The following PCDHA1 variants were observed in gnomAD, a reference collection of about 807,000 sequenced individuals.
The protein encoded by PCDHA1 is protocadherin alpha-1.
Under a neutral mutation model 61.3 loss-of-function variants are expected in PCDHA1, and 42 were observed. The ratio of observed to expected loss-of-function variants is 0.69; its 90% confidence interval spans 0.54 to 0.89. The LOEUF (loss-of-function observed/expected upper bound fraction) is 0.89. PCDHA1 is among the 40% of genes least tolerant of loss of function. The pLI is 0.00. For missense variants in PCDHA1, 1,256 were observed against 1,235.3 expected (o/e 1.02, Z -0.25); for synonymous variants, 610 against 553.8 (o/e 1.10, Z -1.43).
intron 1 of PCDHA1, chr5:140,858,619 C>T: frequency 8.6e-7 from 1 of 1,161,702 alleles, no homozygotes; most frequent in Non-Finnish European, 1.2e-6. Context: ...TTTATCCTAC[C>T]CAGTGTGTCA....
intron 1 of PCDHA1, among the ~76,000 whole-genome samples, chr5:140,935,795 C>T (rs1366379710): frequency 2.0e-5 from 3 of 151,764 alleles, no homozygotes; most frequent in Admixed American, 6.6e-5. Flanking sequence ...AAAATATAAA[C>T]GAGATTATTT....
intron 3 of PCDHA1, among the ~76,000 whole-genome samples, chr5:141,009,296 T>A (rs889577032): frequency 3.3e-4 from 50 of 152,004 alleles, no homozygotes; most frequent in Non-Finnish European, 5.3e-4. Context: ...TTCTATAAAA[T>A]TTTTTTTAAA....
rs782169362 is a variant in PCDHA1, at chr5:140,979,015, T to G, written c.2453+8T>G. Reference sequence around the variant, plus strand: ...GAGAGCAGGCATGCACAGGTATGTATTTCCCTCCTCATTCACTCAGAAGTA... The same window carrying G: ...GAGAGCAGGCATGCACAGGTATGTAGTTCCCTCCTCATTCACTCAGAAGTA... On this transcript the variant is annotated splice_region_variant and intron_variant, in intron 2 of 3. Transcript: ENST00000504120. 3 of 1,613,920 alleles carry G rather than the reference T, an allele frequency of 1.9e-6. No individual in the cohort carries two copies. The highest frequency in any genetic ancestry group is 2.5e-6 in the Non-Finnish European group (3 of 1,179,908).
chr5:140,797,258 C>T (rs146594045), intron 1 of PCDHA1: 5 of 1,614,210 alleles, frequency 3.1e-6, no homozygotes, highest in East Asian at 2.2e-5. Context: ...GAGGACCCCC[C>T]CAAGACGGAC....
intron 1 of PCDHA1, chr5:140,871,248 G>C (rs782440984): frequency 7.2e-5 from 117 of 1,613,852 alleles, no homozygotes; most frequent in Non-Finnish European, 9.5e-5. Context: ...TCACGCTGCT[G>C]CTGTATACGG....
At chr5:140,869,727 T>G in intron 1 of PCDHA1, 1 of 1,613,380 alleles carries the variant, frequency 6.2e-7, no homozygotes, top group Non-Finnish European at 8.5e-7. Flanking sequence ...CTCCGGAACT[T>G]AATTTGCTGC....
chr5:140,885,516 T>A (rs1235698672), intron 1 of PCDHA1, among the ~76,000 whole-genome samples: 2 of 152,198 alleles, frequency 1.3e-5, no homozygotes, highest in Non-Finnish European at 2.9e-5. Flanking sequence ...TGCTGTGCTA[T>A]CATTTCATAT....
At chr5:140,985,317 A>C (rs1457089100) in intron 3 of PCDHA1, among the ~76,000 whole-genome samples, 1 of 152,134 alleles carries the variant, frequency 6.6e-6, no homozygotes, top group Non-Finnish European at 1.5e-5. Flanking sequence ...TGGTGGCCAG[A>C]ATTCAGTAGT....
intron 1 of PCDHA1, chr5:140,808,076 C>A: frequency 1.9e-6 from 3 of 1,613,940 alleles, no homozygotes; most frequent in Non-Finnish European, 2.5e-6. Context: ...TCACATAGAT[C>A]CAATTACTGG....
intron 1 of PCDHA1, among the ~76,000 whole-genome samples, chr5:140,888,497 A>C (rs2061848830): frequency 6.6e-6 from 1 of 152,250 alleles, no homozygotes; most frequent in Non-Finnish European, 1.5e-5. Flanking sequence ...ACTCTGCTTT[A>C]AAGAGTCTTG....
At chr5:140,853,589 C>T (rs1053953271) in intron 1 of PCDHA1, 2 of 986,246 alleles carry the variant, frequency 2.0e-6, no homozygotes, top group Non-Finnish European at 1.2e-6. Context: ...ATCTTAGACA[C>T]TTTGAGAGCA....
intron 1 of PCDHA1, chr5:140,876,844 C>T (rs200154646): frequency 1.2e-6 from 2 of 1,614,016 alleles, no homozygotes; most frequent in East Asian, 2.2e-5. Context: ...GTTCGCGCAG[C>T]CCGAGTACAC....
chr5:140,884,654 T>C, intron 1 of PCDHA1: 1 of 1,602,858 alleles, frequency 6.2e-7, no homozygotes, highest in South Asian at 1.1e-5. Context: ...CTCAGAATGC[T>C]TGAAAGAGGT....
At chr5:140,802,226 C>T (rs1762871505) in intron 1 of PCDHA1, 4 of 1,614,174 alleles carry the variant, frequency 2.5e-6, no homozygotes, top group Non-Finnish European at 3.4e-6. Flanking sequence ...TTGTGGACAT[C>T]AATGATAATG....
rs1554206132 is a variant in PCDHA1, at chr5:140,928,678, C to A, written c.2395-50271C>A. 3.1e-6 allele frequency: 5 copies of A among 1,614,192 alleles called. No individual in the cohort carries two copies. The East Asian group carries it at 1.1e-4, about 36-fold the overall frequency. ...TGCTGACAGTGGTTCTAATGCCTGGCTTTCCTACCACATCTCCCGGGCGTC... is the reference window on the plus strand; with the variant it reads ...TGCTGACAGTGGTTCTAATGCCTGGATTTCCTACCACATCTCCCGGGCGTC... On this transcript the variant is annotated intron_variant, in intron 1 of 3. Coordinates refer to ENST00000504120, the MANE Select transcript of PCDHA1 (RefSeq NM_018900.4).
At chr5:140,882,112 C>T (rs1399071152) in intron 1 of PCDHA1, 2 of 1,384,570 alleles carry the variant, frequency 1.4e-6, no homozygotes, top group Non-Finnish European at 1.9e-6. Flanking sequence ...CGAAGAAAGC[C>T]GCCGTTTCTT....
Position 140,788,483 on chromosome 5 carries a change from G to C in PCDHA1, c.2193G>C (p.Ala731=). 6.2e-7 allele frequency: 1 copy of C among 1,614,098 alleles called. No homozygotes were observed. Among genetic ancestry groups the C allele is most frequent in the East Asian group, 2.2e-5 (1 of 44,880 alleles). Residue 731 remains alanine (A), a synonymous_variant, in exon 1 of 4, where the codon GCG becomes GCC. Transcript: ENST00000504120. ...GCTCAGTGCCGCCCACTGAGGGTGC[G>C]TATGTGCCGGGCAAGCCCACTCTGG... ...LRCSVPPTEG[A]YVPGKPTLVC... is the part of the protein sequence containing the mutation.
intron 1 of PCDHA1, among the ~76,000 whole-genome samples, chr5:140,855,727 T>A (rs782065766): frequency 6.7e-6 from 1 of 149,598 alleles, no homozygotes; most frequent in Admixed American, 6.7e-5. Context: ...TGTTATTAAC[T>A]ATAAAGAGAC....
intron 1 of PCDHA1, chr5:140,927,289 A>G: frequency 6.2e-7 from 1 of 1,614,172 alleles, no homozygotes; most frequent in Non-Finnish European, 8.5e-7. Flanking sequence ...GCAGCTGCAC[A>G]TCCCCGAGTT....
Sources: gnomAD v4.1 joint callset for allele counts (sites outside exome capture counted in the v4.1 genomes callset) on GRCh38, gnomAD v4.1.1 for gene constraint, MANE v1.5 for transcripts, NCBI Gene and HGNC (gene_info 2026-07-23, HGNC 2026-07-21) for gene names.